The following KRT85 variants were observed in gnomAD, a reference collection of about 807,000 sequenced individuals.
The protein encoded by KRT85 is keratin 85.
KRT85 carries 39 observed loss-of-function variants against 53.7 expected under a neutral mutation model. That is an observed-to-expected ratio of 0.73 (90% CI 0.56 to 0.95). The LOEUF is 0.95. KRT85 is among the 40% of genes least tolerant of loss of function. KRT85 has a pLI of 0.00. For missense variants in KRT85, 668 were observed against 686.0 expected (o/e 0.97, Z 0.29); for synonymous variants, 291 against 277.5 (o/e 1.05, Z -0.48).
rs534180708 is a variant in KRT85, at chr12:52,367,102, C to T, written c.304G>A (p.Glu102Lys). The T allele has an allele frequency of 1.4e-5, 22 of 1,613,342 alleles. No homozygotes were observed. In the South Asian group the frequency reaches 1.6e-4, roughly 12 times the overall value. Residue 102 changes from glutamate (E) to lysine (K), a missense_variant, in exon 1 of 9, where the codon GAG (glutamate) becomes AAG (lysine). Transcript: ENST00000257901. ...AGGTTGAGGGGCGTGAGGAGGCTCTCGTTGACCGACACGGTAGTGATGCAT... is the reference window on the plus strand; with the variant it reads ...AGGTTGAGGGGCGTGAGGAGGCTCTTGTTGACCGACACGGTAGTGATGCAT... The part of the protein sequence containing the change: ...PPCITTVSVN[E>K]SLLTPLNLEI...
At chr12:52,361,606 G>T in intron 7 of KRT85, 108 bp from the exon 8 acceptor site, 1 of 991,588 alleles carries the variant, frequency 1.0e-6, no homozygotes, top group Non-Finnish European at 1.6e-6. Flanking sequence ...GTCTACCCCT[G>T]AAAGGCAAGA....
rs199934812 is a variant in KRT85 at position 52,360,872 on chromosome 12, C to T, written c.1505G>A (p.Arg502Gln). The change falls in exon 9 of 9, where the codon CGG becomes CAG. Residue 502 changes from arginine (R) to glutamine (Q), a missense_variant. Arg to Gln is a conservative substitution (Grantham distance 43). Coordinates refer to ENST00000257901, the MANE Select transcript of KRT85 (RefSeq NM_002283.4). ...ACTCTACTAGGCAAAGCGGACCGAC[C>T]GGCTACTCCCGCAGCTGAAGCTGGA... is the stretch of plus-strand genomic sequence containing the variant. The part of the protein sequence containing the change: ...RSSSFSCGSS[R>Q]SVRFA 35 of 1,612,094 alleles carry T rather than the reference C, an allele frequency of 2.2e-5. No individual in the cohort carries two copies. Among genetic ancestry groups the T allele is most frequent in the Middle Eastern group, 2.2e-4 (1 of 4,514 alleles).
In KRT85 at chr12:52,360,864, G is replaced by T; in HGVS notation, c.1513C>A (p.Arg505Ser). The T allele has an allele frequency of 6.2e-7, 1 of 1,612,260 alleles. No homozygotes were observed. The highest frequency in any genetic ancestry group is 8.5e-7 in the Non-Finnish European group (1 of 1,180,018). ...SFSCGSSRSV[R>S]FA ...GCTCCATGACTCTACTAGGCAAAGC[G>T]GACCGACCGGCTACTCCCGCAGCTG... is the stretch of plus-strand genomic sequence containing the variant. Residue 505 changes from arginine to serine, a missense_variant, in exon 9 of 9, where the codon CGC becomes AGC. Transcript: ENST00000257901.
chr12:52,364,654 T>C (rs1939245615), intron 2 of KRT85: 15 of 1,437,332 alleles, frequency 1.0e-5, no homozygotes, highest in Non-Finnish European at 1.4e-5. Context: ...CTGGTTCCAT[T>C]GGCAGGGAGA....
chr12:52,364,387 G>C, intron 2 of KRT85, 21 bp from the exon 3 acceptor site: 1 of 1,614,174 alleles, frequency 6.2e-7, no homozygotes, highest in Non-Finnish European at 8.5e-7. Context: ...GAGAGAGAAG[G>C]TCTGGAGCTG....
At chr12:52,365,503 A>C (rs560241232) in intron 1 of KRT85, among the ~76,000 whole-genome samples, 1 of 152,338 alleles carries the variant, frequency 6.6e-6, no homozygotes, top group East Asian at 1.9e-4. Context: ...AAGTTAATGC[A>C]TATCAAGTGC....
In KRT85 at chr12:52,362,257, T is replaced by G; in HGVS notation, c.1292A>C (p.Glu431Ala). ...ATYRRLLEGE[E>A]HRLCEGVGSV... ...AAAGTCCTCTTAGCCCCACCTGTGTTCCTCGCCCTCCAGCAGGCGCCTGTA... is the reference window on the plus strand; with the variant it reads ...AAAGTCCTCTTAGCCCCACCTGTGTGCCTCGCCCTCCAGCAGGCGCCTGTA... Residue 431 changes from glutamate to alanine, a missense_variant, in exon 7 of 9, where the codon GAA becomes GCA. Glu to Ala is a moderately radical substitution (Grantham distance 107). Transcript: ENST00000257901. The G allele has an allele frequency of 6.2e-7, 1 of 1,614,034 alleles. No individual in the cohort carries two copies. The highest frequency in any genetic ancestry group is 1.1e-5 in the South Asian group (1 of 91,082).
At chr12:52,366,218 A>G (rs1163497905) in intron 1 of KRT85, among the ~76,000 whole-genome samples, 1 of 152,220 alleles carries the variant, frequency 6.6e-6, no homozygotes, top group Non-Finnish European at 1.5e-5. Flanking sequence ...GCCCTCTCTC[A>G]TGAAGGGGCT....
intron 1 of KRT85, 138 bp downstream of exon 1, chr12:52,366,848 C>A: frequency 7.0e-7 from 1 of 1,423,156 alleles, no homozygotes; most frequent in Non-Finnish European, 9.9e-7. Context: ...GAAACTGACC[C>A]TTCCACCTGT....
chr12:52,367,149 C>T lies in KRT85; in HGVS notation c.257G>A (p.Gly86Asp). The change falls in exon 1 of 9, where the codon GGC becomes GAC. Residue 86 changes from glycine (G) to aspartate (D), a missense_variant. Physicochemically the swap from Gly to Asp is moderately conservative, Grantham distance 94. Around this residue, in one of 3 missense-constraint regions of KRT85, gnomAD observed 158 missense variants for 141.8 expected, o/e 1.11. Transcript: ENST00000257901. ...GCATGGGGGGCTGGGTCCGCACACG[C>T]CCCCGGAGCGGTAGCCGAAGCTGCG... ...CGRSFGYRSG[G>D]VCGPSPPCIT... The T allele has an allele frequency of 6.2e-7, 1 of 1,613,580 alleles. No homozygotes were observed. The highest frequency in any genetic ancestry group is 8.5e-7 in the Non-Finnish European group (1 of 1,180,038).
chr12:52,360,602 TA>T lies in KRT85; in HGVS notation c.*250del. On this transcript the variant is annotated 3_prime_UTR_variant, in exon 9 of 9. Coordinates refer to ENST00000257901, the MANE Select transcript of KRT85 (RefSeq NM_002283.4). Reference sequence around the variant, plus strand: ...AAATTGGATACAGGTATTTTGGAGCTAAGTAGGAGTTAAGTGAAGGGCTGGG... The same window carrying T: ...AAATTGGATACAGGTATTTTGGAGCTAGTAGGAGTTAAGTGAAGGGCTGGG... 1 of 572,086 alleles carries T rather than the reference TA, an allele frequency of 1.7e-6. No homozygotes were observed. The highest frequency in any genetic ancestry group is 2.0e-5 in the South Asian group (1 of 49,818). The allele number at this position is 572,086 out of a possible 1,614,324, so 35.4% of individuals were successfully genotyped here.
chr12:52,362,006 C>T (rs1939197658), intron 7 of KRT85, among the ~76,000 whole-genome samples: 1 of 152,172 alleles, frequency 6.6e-6, no homozygotes, highest in South Asian at 2.1e-4. Flanking sequence ...AATTCTGAGC[C>T]TGCTTCTTTA....
Position 52,360,938 on chromosome 12 carries a change from A to G in KRT85, c.1439T>C (p.Val480Ala). ...GGGGGCACAGGAGTCAGGGGCCACC[A>G]CCGTGATGCTGCCGCCTATGGCTGA... ...GPSAIGGSIT[V>A]VAPDSCAPCQ... The change falls in exon 9 of 9, where the codon GTG becomes GCG. Residue 480 changes from valine (V) to alanine (A), a missense_variant. Physicochemically the swap from Val to Ala is moderately conservative, Grantham distance 64. Transcript: ENST00000257901. The G allele has an allele frequency of 1.2e-6, 2 of 1,612,930 alleles. No individual in the cohort carries two copies. The highest frequency in any genetic ancestry group is 1.7e-6 in the Non-Finnish European group (2 of 1,179,962).
intron 2 of KRT85, 60 bp from the exon 3 acceptor site, chr12:52,364,426 C>T (rs771983016): frequency 6.2e-7 from 1 of 1,614,078 alleles, no homozygotes; most frequent in Non-Finnish European, 8.5e-7. Context: ...ACCATCCCAA[C>T]TCCTGGGCAA....
Position 52,367,371 on chromosome 12 carries a change from C to T in KRT85, c.35G>A (p.Cys12Tyr). 1 of 1,614,118 alleles carries T rather than the reference C, an allele frequency of 6.2e-7. No individual in the cohort carries two copies. The highest frequency in any genetic ancestry group is 8.5e-7 in the Non-Finnish European group (1 of 1,180,030). The change falls in exon 1 of 9, where the codon TGC (cysteine) becomes TAC (tyrosine). Residue 12 changes from cysteine (C) to tyrosine (Y), a missense_variant. Cys to Tyr is a radical substitution (Grantham distance 194, BLOSUM62 -2). This residue lies in a region of KRT85 where 158 missense variants were observed against 141.8 expected (regional missense o/e 1.11). Coordinates refer to ENST00000257901, the MANE Select transcript of KRT85 (RefSeq NM_002283.4). ...GGAGCTGAAGTTCCTGGTGACCCCGCATCCTGAGCTGATCCTGTAGGAGCG... is the reference window on the plus strand; with the variant it reads ...GGAGCTGAAGTTCCTGGTGACCCCGTATCCTGAGCTGATCCTGTAGGAGCG... The part of the protein sequence containing the change: ...SCRSYRISSG[C>Y]GVTRNFSSCS...
In KRT85 at chr12:52,363,992, C is replaced by T. The variant is rs1939233599; in HGVS notation, c.786+76G>A. ...ATTGGCAAACATAGGCACACACATG[C>T]ACCCTTGCCTCACTGCTCCCCTGTC... On this transcript the variant is annotated intron_variant, in intron 4 of 8. Transcript: ENST00000257901. 7 of 1,098,924 alleles carry T rather than the reference C, an allele frequency of 6.4e-6. No homozygotes were observed. In the South Asian group the frequency reaches 8.7e-5, roughly 14 times the overall value. 68.1% of individuals were successfully genotyped at this position (1,098,924 alleles called of 1,614,324 possible).
chr12:52,367,113 A>T lies in KRT85; in HGVS notation c.293T>A (p.Val98Glu), dbSNP rs1209179459. Residue 98 changes from valine to glutamate, a missense_variant, in exon 1 of 9, where the codon GTG becomes GAG. Coordinates refer to ENST00000257901, the MANE Select transcript of KRT85 (RefSeq NM_002283.4). ...CGPSPPCITT[V>E]SVNESLLTPL... The stretch of plus-strand genomic sequence containing the variant: ...CGTGAGGAGGCTCTCGTTGACCGAC[A>T]CGGTAGTGATGCATGGGGGGCTGGG... 1.2e-6 allele frequency: 2 copies of T among 1,613,216 alleles called. No homozygotes were observed. Among genetic ancestry groups the T allele is most frequent in the Non-Finnish European group, 1.7e-6 (2 of 1,179,982 alleles).
At position 52,360,730 on chromosome 12, in the gene KRT85, T is replaced by C. The variant is rs1055497626; in HGVS notation, c.*123A>G. The C allele has an allele frequency of 9.5e-6, 11 of 1,155,704 alleles. No individual in the cohort carries two copies. The highest frequency in any genetic ancestry group is 3.0e-5 in the African/African-American group (2 of 66,156). The allele number at this position is 1,155,704 out of a possible 1,614,324, so 71.6% of individuals were successfully genotyped here. On this transcript the variant is annotated 3_prime_UTR_variant, in exon 9 of 9. Coordinates refer to ENST00000257901, the MANE Select transcript of KRT85 (RefSeq NM_002283.4). ...CGAGGGTCTTTCCCTCTGTAGGTCT[T>C]TCCCTCTGTAGGAACATCCAGAAGA...
In KRT85 at chr12:52,366,834, G is replaced by T. The variant is rs921318994; in HGVS notation, c.420+152C>A. On this transcript the variant is annotated intron_variant, in intron 1 of 8. Transcript: ENST00000257901. ...TCGTTAAATGCTGCGGGAGTTAAGT[G>T]ATGGAAACTGACCCTTCCACCTGTA... 1.1e-4 allele frequency: 147 copies of T among 1,313,204 alleles called. No homozygotes were observed. The African/African-American group carries it at 1.8e-3, about 16-fold the overall frequency. The allele number at this position is 1,313,204 out of a possible 1,614,324, so 81.3% of individuals were successfully genotyped here.
Sources: gnomAD v4.1 joint callset for allele counts (sites outside exome capture counted in the v4.1 genomes callset) on GRCh38, gnomAD v4.1.1 for gene constraint, gnomAD v4.1.1 regional missense constraint, MANE v1.5 for transcripts, NCBI Gene and HGNC (gene_info 2026-07-23, HGNC 2026-07-21) for gene names.